AGAP1: variants seen among roughly 807,000 people sequenced by gnomAD.
AGAP1 encodes the protein arf-GAP with GTPase, ANK repeat and PH domain-containing protein 1.
AGAP1 carries 29 observed loss-of-function variants against 105.3 expected under a neutral mutation model. That is an observed-to-expected ratio of 0.28 (90% CI 0.21 to 0.38). AGAP1 has a LOEUF of 0.38. Among genes scored for constraint, AGAP1 ranks in the 10% least tolerant of loss-of-function variants. The probability of loss-of-function intolerance (pLI) is 1.00; values close to 1 mark genes in which losing one functional copy is unlikely to be tolerated. For synonymous variants in AGAP1, 509 were observed against 485.9 expected, an observed-to-expected ratio of 1.05 and a Z score of -0.63; for missense variants, 998 against 1,165.1, an observed-to-expected ratio of 0.86 and a Z score of 2.09.
Position 235,754,581 on chromosome 2 carries a change from A to G in AGAP1, c.673+4093A>G, listed in dbSNP as rs1319609347. The stretch of plus-strand genomic sequence containing the variant: ...GTCTTGTAACAAAAGGACATTGTAA[A>G]AATGAATGGAGAAACCTTGCATTCA... On this transcript the variant is annotated intron_variant, in intron 6 of 17. Transcript: ENST00000304032. The surrounding 1 kb of genome is among the most constrained non-coding windows in gnomAD (Gnocchi z 4.6). 2.6e-5 allele frequency among the ~76,000 whole-genome samples: 4 copies of G among 152,184 alleles called. No individual in the cohort carries two copies. The highest frequency in any genetic ancestry group is 9.7e-5 in the African/African-American group (4 of 41,432).
chr2:235,833,862 T>TG (rs1252274213), intron 9 of AGAP1, among the ~76,000 whole-genome samples: 1 of 151,414 alleles, frequency 6.6e-6, no homozygotes, highest in Admixed American at 6.6e-5. Flanking sequence ...CTGGTTTTTT[T>TG]TTTTTTTTTT....
At chr2:236,033,583 A>G (rs111452629) in intron 13 of AGAP1, among the ~76,000 whole-genome samples, 3 of 152,298 alleles carry the variant, frequency 2.0e-5, no homozygotes, top group African/African-American at 4.8e-5. Flanking sequence ...TGTTTTTATC[A>G]CTTTGTGTTC....
chr2:236,068,813 A>T (rs1385678576), intron 16 of AGAP1, among the ~76,000 whole-genome samples: 1 of 148,784 alleles, frequency 6.7e-6, no homozygotes, highest in East Asian at 2.0e-4. Context: ...AAAAAAAAAA[A>T]AAAAAAAATT....
chr2:235,744,670 T>A lies in AGAP1; in HGVS notation c.397-28T>A. 6.2e-7 allele frequency: 1 copy of A among 1,613,820 alleles called. No homozygotes were observed. The highest frequency in any genetic ancestry group is 8.5e-7 in the Non-Finnish European group (1 of 1,179,838). On this transcript the variant is annotated intron_variant, in intron 4 of 17. Coordinates refer to ENST00000304032, the MANE Select transcript of AGAP1 (RefSeq NM_001037131.3). This position sits in a 1 kb window ranked among gnomAD's most constrained non-coding sequence, Gnocchi z 5.2. ...TAATCAAGCCTGCTCACTCAGCTCCTGCTCTCCTCCCCTTCTTCTCTCCCT... is the reference window on the plus strand; with the variant it reads ...TAATCAAGCCTGCTCACTCAGCTCCAGCTCTCCTCCCCTTCTTCTCTCCCT...
chr2:236,098,620 C>CT (rs34419216), intron 16 of AGAP1, among the ~76,000 whole-genome samples: 3,073 of 115,210 alleles, frequency 0.027, 289 homozygotes, highest in African/African-American at 0.11. Flanking sequence ...TCTTTTTTTC[C>CT]TTTTTTTTTT....
rs1034468824 is a variant in AGAP1, at chr2:235,556,360, G to T, written c.163+61511G>T. 6.6e-6 allele frequency among the ~76,000 whole-genome samples: 1 copy of T among 152,238 alleles called. No individual in the cohort carries two copies. The highest frequency in any genetic ancestry group is 6.5e-5 in the Admixed American group (1 of 15,286). On this transcript the variant is annotated intron_variant, in intron 1 of 17. Coordinates refer to ENST00000304032, the MANE Select transcript of AGAP1 (RefSeq NM_001037131.3). This position sits in a 1 kb window ranked among gnomAD's most constrained non-coding sequence, Gnocchi z 5.3. The stretch of plus-strand genomic sequence containing the variant: ...TCTGGGGCTACCCTTTGCTCCAGTG[G>T]CTACAGAAGAGAGAGGAGGGACACT...
intron 6 of AGAP1, among the ~76,000 whole-genome samples, chr2:235,770,244 T>C (rs1367899295): frequency 1.3e-5 from 2 of 151,996 alleles, no homozygotes; most frequent in Non-Finnish European, 2.9e-5. Context: ...GCCATTCTCC[T>C]GCCTCAGCCT....
chr2:236,111,186 C>T (rs1386405264), intron 16 of AGAP1, among the ~76,000 whole-genome samples: 1 of 152,134 alleles, frequency 6.6e-6, no homozygotes, highest in Non-Finnish European at 1.5e-5. Context: ...TTGATAAATC[C>T]GTGCAGGGAA....
In AGAP1 at chr2:235,729,370, C is replaced by T. The variant is rs1234399786; in HGVS notation, c.311-11593C>T. On this transcript the variant is annotated intron_variant, in intron 3 of 17. Transcript: ENST00000304032. This position sits in a 1 kb window ranked among gnomAD's most constrained non-coding sequence, Gnocchi z 5.0. ...GGAGCCCCAGGGAGCCTGGCAGTACCTCAGTGGCAGATGCAGCTCGTTCCA... is the reference window on the plus strand; with the variant it reads ...GGAGCCCCAGGGAGCCTGGCAGTACTTCAGTGGCAGATGCAGCTCGTTCCA... Among the ~76,000 whole-genome samples the T allele has an allele frequency of 1.3e-5, 2 of 152,168 alleles. No homozygotes were observed. The highest frequency in any genetic ancestry group is 4.8e-5 in the African/African-American group (2 of 41,410).
At chr2:235,929,132 C>T (rs867481755) in intron 11 of AGAP1, among the ~76,000 whole-genome samples, 2 of 152,238 alleles carry the variant, frequency 1.3e-5, no homozygotes, top group Non-Finnish European at 2.9e-5. Flanking sequence ...CCACTGCCCT[C>T]GCTCCTCCCA....
Position 235,550,616 on chromosome 2 carries a change from G to A in AGAP1, c.163+55767G>A, listed in dbSNP as rs1057091472. ...CACAGACAGGTGTGTTTGCCGCAGA[G>A]GTGCCGAGGGCCCAGCAGGACTGTA... is the stretch of plus-strand genomic sequence containing the variant. On this transcript the variant is annotated intron_variant, in intron 1 of 17. Transcript: ENST00000304032. The surrounding 1 kb of genome is among the most constrained non-coding windows in gnomAD (Gnocchi z 4.6). 2.6e-5 allele frequency among the ~76,000 whole-genome samples: 4 copies of A among 152,156 alleles called. No individual in the cohort carries two copies. Among genetic ancestry groups the A allele is most frequent in the African/African-American group, 9.7e-5 (4 of 41,430 alleles).
intron 9 of AGAP1, among the ~76,000 whole-genome samples, chr2:235,820,725 G>A (rs773717178): frequency 1.2e-4 from 19 of 152,196 alleles, no homozygotes; most frequent in Admixed American, 6.5e-4. Flanking sequence ...TACTAGTGGA[G>A]AGACGAGTAA....
At chr2:235,626,240 C>T (rs1321230092) in intron 1 of AGAP1, among the ~76,000 whole-genome samples, 1 of 151,020 alleles carries the variant, frequency 6.6e-6, no homozygotes, top group Non-Finnish European at 1.5e-5. Context: ...TACCTGTAAT[C>T]CCAGCTACGC....
intron 11 of AGAP1, among the ~76,000 whole-genome samples, chr2:235,918,101 T>C (rs1023443118): frequency 8.5e-5 from 13 of 152,220 alleles, no homozygotes; most frequent in African/African-American, 2.9e-4. Context: ...CCTGCCGGCA[T>C]GCGGTGTGGC....
intron 13 of AGAP1, among the ~76,000 whole-genome samples, chr2:235,969,477 C>T (rs1395826461): frequency 2.0e-5 from 3 of 152,114 alleles, no homozygotes; most frequent in African/African-American, 4.8e-5. Flanking sequence ...CCTGTGAGAC[C>T]GACATGGTAA....
chr2:236,010,439 A>C (rs1559188218), intron 13 of AGAP1, among the ~76,000 whole-genome samples: 1 of 152,226 alleles, frequency 6.6e-6, no homozygotes, highest in Admixed American at 6.5e-5. Context: ...GTTTATAACG[A>C]TCAGATGCCT....
intron 13 of AGAP1, among the ~76,000 whole-genome samples, chr2:236,023,696 A>G (rs1263741317): frequency 6.6e-6 from 1 of 152,136 alleles, no homozygotes; most frequent in African/African-American, 2.4e-5. Flanking sequence ...CTCTTTGTAC[A>G]GCAAACATGC....
chr2:235,607,070 A>G (rs1309650781), intron 1 of AGAP1, among the ~76,000 whole-genome samples: 4 of 152,028 alleles, frequency 2.6e-5, no homozygotes, highest in African/African-American at 9.6e-5. Flanking sequence ...GTATTAAATT[A>G]TTGTTTACAT....
In AGAP1 at chr2:235,977,143, G is replaced by A. The variant is rs1381442716; in HGVS notation, c.1645+8520G>A. On this transcript the variant is annotated intron_variant, in intron 13 of 17. Transcript: ENST00000304032. The surrounding 1 kb of genome is among the most constrained non-coding windows in gnomAD (Gnocchi z 5.2). ...TCACAGGCTCCGGCGTCCATCAGCA[G>A]AGAACTCGGGGCACCGTGTTTTCCT... is the stretch of plus-strand genomic sequence containing the variant. Among the ~76,000 whole-genome samples, 1 of 152,164 alleles carries A rather than the reference G, an allele frequency of 6.6e-6. No homozygotes were observed. The highest frequency in any genetic ancestry group is 1.5e-5 in the Non-Finnish European group (1 of 68,026).
Sources: allele counts gnomAD v4.1 joint callset (sites outside exome capture counted in the v4.1 genomes callset), GRCh38; gene constraint gnomAD v4.1.1; non-coding constraint Gnocchi (gnomAD v3.1); transcripts MANE v1.5; gene names NCBI Gene and HGNC (gene_info 2026-07-23, HGNC 2026-07-21).